The following PCDHGB6 variants were observed in gnomAD, a reference collection of about 807,000 sequenced individuals.
PCDHGB6 encodes protocadherin gamma-B6.
In PCDHGB6, 51 loss-of-function variants were observed where a neutral mutation model predicts 59.1. The observed-to-expected ratio is 0.86, with a 90% CI of 0.69 to 1.09. The LOEUF (loss-of-function observed/expected upper bound fraction) is 1.09, where lower values mean the gene tolerates loss of function less well. Ranked by LOEUF, PCDHGB6 falls within the 50% of genes least tolerant of loss-of-function variation. PCDHGB6 has a pLI of 0.00. For missense variants in PCDHGB6, 1,148 were observed against 1,205.1 expected (o/e 0.95, Z 0.70); for synonymous variants, 466 against 495.1 (o/e 0.94, Z 0.78).
In PCDHGB6 at chr5:141,415,509, T is replaced by C. The variant is rs1296405723; in HGVS notation, c.2418+4889T>C. The C allele has an allele frequency of 4.3e-6, 7 of 1,614,054 alleles. No individual in the cohort carries two copies. In the Admixed American group the frequency reaches 5.0e-5, roughly 12 times the overall value. On this transcript the variant is annotated intron_variant, in intron 1 of 3. Transcript: ENST00000520790. ...GTCACCTGATCTTCCCCCAGCCCAA[T>C]TATGCGGACACGCTCATCAGCCAGG...
intron 1 of PCDHGB6, chr5:141,428,184 C>G: frequency 6.8e-7 from 1 of 1,463,674 alleles, no homozygotes; most frequent in Middle Eastern, 1.7e-4. Flanking sequence ...GGAGGACAGC[C>G]GCCGCTCTCT....
intron 1 of PCDHGB6, among the ~76,000 whole-genome samples, chr5:141,459,532 TA>T (rs1031834752): frequency 6.6e-5 from 10 of 152,354 alleles, no homozygotes; most frequent in East Asian, 3.9e-4. Context: ...TTTGTAGGCA[TA>T]TTTTTTTTAT....
At chr5:141,503,229 T>C (rs986982708) in intron 2 of PCDHGB6, among the ~76,000 whole-genome samples, 1 of 152,080 alleles carries the variant, frequency 6.6e-6, no homozygotes, top group African/African-American at 2.4e-5. Context: ...ACCGTAAAGA[T>C]GGACAGTTTC....
At position 141,486,455 on chromosome 5, in the gene PCDHGB6, T is replaced by G; in HGVS notation, c.2419-8352T>G. On this transcript the variant is annotated intron_variant, in intron 1 of 3. Transcript: ENST00000520790. This position sits in a 1 kb window ranked among gnomAD's most constrained non-coding sequence, Gnocchi z 5.0. Reference sequence around the variant, plus strand: ...TAGCTATGACATCATGGTCACTGCTTCTGATGCTGGGAACCCTCCTCTCAG... The same window carrying G: ...TAGCTATGACATCATGGTCACTGCTGCTGATGCTGGGAACCCTCCTCTCAG... 6.2e-7 allele frequency: 1 copy of G among 1,614,066 alleles called. No homozygotes were observed. Among genetic ancestry groups the G allele is most frequent in the Non-Finnish European group, 8.5e-7 (1 of 1,179,892 alleles).
At chr5:141,419,371 C>T (rs751971270) in intron 1 of PCDHGB6, 4 of 1,613,662 alleles carry the variant, frequency 2.5e-6, no homozygotes, top group Non-Finnish European at 8.5e-7. Flanking sequence ...TGTCGTCCTA[C>T]GTGTCCGTGA....
At chr5:141,447,938 T>G in intron 1 of PCDHGB6, among the ~76,000 whole-genome samples, 1 of 151,870 alleles carries the variant, frequency 6.6e-6, no homozygotes, top group Admixed American at 6.6e-5. Flanking sequence ...ATACAAAAAT[T>G]AGCTGGGCAT....
intron 1 of PCDHGB6, chr5:141,428,374 C>G: frequency 1.9e-6 from 1 of 530,640 alleles, no homozygotes; most frequent in South Asian, 1.9e-5. Context: ...CTTGCACCTG[C>G]GATGCTCTTC....
intron 1 of PCDHGB6, among the ~76,000 whole-genome samples, chr5:141,434,935 T>C (rs952530533): frequency 6.6e-6 from 1 of 151,788 alleles, no homozygotes; most frequent in Non-Finnish European, 1.5e-5. Flanking sequence ...TTTTATATAA[T>C]AGATATAATT....
intron 1 of PCDHGB6, among the ~76,000 whole-genome samples, chr5:141,452,761 G>A (rs1291983570): frequency 6.6e-6 from 1 of 152,036 alleles, no homozygotes; most frequent in East Asian, 1.9e-4. Flanking sequence ...AGGAAGGGAG[G>A]GAGGGAAAAC....
At chr5:141,445,963 A>G (rs2098483291) in intron 1 of PCDHGB6, among the ~76,000 whole-genome samples, 2 of 152,342 alleles carry the variant, frequency 1.3e-5, no homozygotes, top group South Asian at 2.1e-4. Flanking sequence ...TATATGGAGA[A>G]TTGATTTATG....
intron 1 of PCDHGB6, among the ~76,000 whole-genome samples, chr5:141,443,780 A>G (rs1337883957): frequency 6.6e-6 from 1 of 152,202 alleles, no homozygotes; most frequent in Non-Finnish European, 1.5e-5. Flanking sequence ...TACCAAAAAG[A>G]CAAAAAAAAT....
chr5:141,423,325 G>A lies in PCDHGB6; in HGVS notation c.2418+12705G>A, dbSNP rs201044967. ...GCTGTACTTGGTGGTGGCGGTGGCCGCAGTCTCCTGCATCTTCCTGGTCTT... is the reference window on the plus strand; with the variant it reads ...GCTGTACTTGGTGGTGGCGGTGGCCACAGTCTCCTGCATCTTCCTGGTCTT... On this transcript the variant is annotated intron_variant, in intron 1 of 3. Coordinates refer to ENST00000520790, the MANE Select transcript of PCDHGB6 (RefSeq NM_018926.3). 133 of 1,614,016 alleles carry A rather than the reference G, an allele frequency of 8.2e-5. No individual in the cohort carries two copies. Among genetic ancestry groups the A allele is most frequent in the Non-Finnish European group, 4.1e-5 (48 of 1,180,008 alleles).
intron 1 of PCDHGB6, among the ~76,000 whole-genome samples, chr5:141,469,004 C>T (rs570896326): frequency 3.3e-5 from 5 of 151,802 alleles, no homozygotes; most frequent in Admixed American, 2.0e-4. Flanking sequence ...TTGCTGGGTG[C>T]GGTGGGTCAC....
intron 1 of PCDHGB6, chr5:141,478,153 T>G (rs1477175391): frequency 3.1e-6 from 5 of 1,613,934 alleles, no homozygotes; most frequent in Middle Eastern, 1.6e-4. Flanking sequence ...AGTTCCCCTC[T>G]GGCTCTGCCC....
chr5:141,420,065 G>T, intron 1 of PCDHGB6: 1 of 1,614,018 alleles, frequency 6.2e-7, no homozygotes, highest in East Asian at 2.2e-5. Flanking sequence ...CTCCAAGTCC[G>T]GACCTGTGGG....
At chr5:141,495,153 T>G (rs2154591630) in intron 2 of PCDHGB6, among the ~76,000 whole-genome samples, 1 of 152,290 alleles carries the variant, frequency 6.6e-6, no homozygotes, top group East Asian at 1.9e-4. Flanking sequence ...AGGATGGTCT[T>G]AAGCTGGTCT....
intron 1 of PCDHGB6, chr5:141,426,985 A>G (rs534298238): frequency 7.7e-5 from 35 of 456,646 alleles, no homozygotes; most frequent in Non-Finnish European, 1.3e-4. Context: ...ACTGATGCCA[A>G]CGATAATGCC....
rs1476740920 is a variant in PCDHGB6, at chr5:141,443,326, A to AC, written c.2418+32706_2418+32707insC. Among the ~76,000 whole-genome samples the AC allele has an allele frequency of 3.3e-5, 5 of 151,792 alleles. No homozygotes were observed. The South Asian group carries it at 8.3e-4, about 25-fold the overall frequency. ...CAAAAACCCATCTCTACAAAAAAAA[A>AC]AAACAAAAATTAACAAGGTTTAGTG... On this transcript the variant is annotated intron_variant, in intron 1 of 3. Transcript: ENST00000520790.
At position 141,409,729 on chromosome 5, in the gene PCDHGB6, G is replaced by GCAGAGC. The variant is rs1178571616; in HGVS notation, c.1528_1533dup (p.Gln510_Ser511dup). 2 of 1,612,966 alleles carry GCAGAGC rather than the reference G, an allele frequency of 1.2e-6. No individual in the cohort carries two copies. The highest frequency in any genetic ancestry group is 2.7e-5 in the African/African-American group (2 of 74,952). On this transcript the variant is annotated inframe_insertion, in exon 1 of 4. Coordinates refer to ENST00000520790, the MANE Select transcript of PCDHGB6 (RefSeq NM_018926.3). ...TGTCGTCATACGTGTCAGTGAGCGC[G>GCAGAGC]CAGAGCGGGGTGGTGTTCGCGCAGC...
Sources: gnomAD v4.1 joint callset for allele counts (sites outside exome capture counted in the v4.1 genomes callset) on GRCh38, gnomAD v4.1.1 for gene constraint, Gnocchi (gnomAD v3.1) non-coding constraint, MANE v1.5 for transcripts, NCBI Gene and HGNC (gene_info 2026-07-23, HGNC 2026-07-21) for gene names.